Variants in NFATC3 observed in about 807,000 individuals in gnomAD.
The protein encoded by NFATC3 is nuclear factor of activated T cells 3.
In NFATC3, 46 loss-of-function variants were observed where a neutral mutation model predicts 98.6. The observed-to-expected ratio is 0.47, with a 90% confidence interval of 0.37 to 0.60. The LOEUF (loss-of-function observed/expected upper bound fraction) is 0.60. Ranked by LOEUF, NFATC3 falls within the 20% of genes least tolerant of loss-of-function variation. The pLI is 0.00. For missense variants in NFATC3, 1,256 were observed against 1,295.5 expected (o/e 0.97, Z 0.47); for synonymous variants, 512 against 472.2 (o/e 1.08, Z -1.09).
At chr16:68,093,193 C>T (rs1223343659) in intron 1 of NFATC3, among the ~76,000 whole-genome samples, 3 of 152,200 alleles carry the variant, frequency 2.0e-5, no homozygotes, top group South Asian at 2.1e-4. Flanking sequence ...CTGCTGTCAA[C>T]GTGTTCACCA....
intron 3 of NFATC3, among the ~76,000 whole-genome samples, chr16:68,143,231 G>GGAAA (rs1337320851): frequency 7.1e-6 from 1 of 140,512 alleles, no homozygotes; most frequent in Non-Finnish European, 1.5e-5. Context: ...AAAAAAAAAA[G>GGAAA]GAAAGAAAGA....
In NFATC3 at chr16:68,138,776, A is replaced by G. The variant is rs777496748; in HGVS notation, c.1401+12166A>G. ...ATTCTGTAGTATAATATAGAACTCT[A>G]TACTTAAATCTTTGGTGGTTAGTGT... On this transcript the variant is annotated intron_variant, in intron 3 of 9. Coordinates refer to ENST00000346183, the MANE Select transcript of NFATC3 (RefSeq NM_173165.3). 99 of 1,273,166 alleles carry G rather than the reference A, an allele frequency of 7.8e-5. No individual in the cohort carries two copies. In the Middle Eastern group the frequency reaches 1.7e-3, roughly 22 times the overall value. 78.9% of individuals were successfully genotyped at this position (1,273,166 alleles called of 1,614,324 possible). A position where few individuals can be genotyped will look rare whatever the true frequency, so the allele number is the denominator to read the frequency against.
chr16:68,126,512 A>G lies in NFATC3; in HGVS notation c.1303A>G (p.Ile435Val), dbSNP rs1384196277. Residue 435 changes from isoleucine (I) to valine (V), a missense_variant, in exon 3 of 10, where the codon ATA becomes GTA. Ile to Val is a conservative substitution (Grantham distance 29). Around this residue, in one of 3 missense-constraint regions of NFATC3, gnomAD observed 156 missense variants for 212.4 expected, o/e 0.73. Coordinates refer to ENST00000346183, the MANE Select transcript of NFATC3 (RefSeq NM_173165.3). ...TCATTTTGGACAATGTGAACTGAAA[A>G]TAGAAGTGCAACCTAAAACTCATCA... ...PAHFGQCELK[I>V]EVQPKTHHRA... The G allele has an allele frequency of 6.2e-7, 1 of 1,614,204 alleles. No homozygotes were observed. Among genetic ancestry groups the G allele is most frequent in the South Asian group, 1.1e-5 (1 of 91,086 alleles).
At chr16:68,207,896 A>C (rs949537718) in intron 9 of NFATC3, among the ~76,000 whole-genome samples, 1 of 151,590 alleles carries the variant, frequency 6.6e-6, no homozygotes, top group African/African-American at 2.4e-5. Context: ...TTTTTAAAAT[A>C]ATAGCCATCC....
intron 9 of NFATC3, among the ~76,000 whole-genome samples, chr16:68,210,605 T>G (rs1281691820): frequency 2.6e-5 from 4 of 152,200 alleles, no homozygotes; most frequent in Admixed American, 6.5e-5. Flanking sequence ...TTTTTTTCTT[T>G]TGTTCAACTA....
chr16:68,167,810 C>CCTTTTTTTTTT, intron 5 of NFATC3, among the ~76,000 whole-genome samples: 1 of 23,898 alleles, frequency 4.2e-5, no homozygotes, highest in East Asian at 1.9e-3. Context: ...CGTATGTGTT[C>CCTTTTTTTTTT]TTTTTTTTTT....
At chr16:68,097,147 A>G (rs1192713490) in intron 1 of NFATC3, among the ~76,000 whole-genome samples, 1 of 152,180 alleles carries the variant, frequency 6.6e-6, no homozygotes, top group African/African-American at 2.4e-5. Flanking sequence ...CTATTTTTCT[A>G]GTTTGGGTCA....
intron 9 of NFATC3, chr16:68,217,672 C>G (rs1598622917): frequency 8.1e-7 from 1 of 1,231,396 alleles, no homozygotes; most frequent in Non-Finnish European, 1.0e-6. Context: ...ATTCAGAGAT[C>G]AAGATTCCTT....
At chr16:68,143,622 G>T (rs560560512) in intron 3 of NFATC3, among the ~76,000 whole-genome samples, 1 of 152,304 alleles carries the variant, frequency 6.6e-6, no homozygotes, top group African/African-American at 2.4e-5. Flanking sequence ...ACTGAGGCGG[G>T]CAGATGACCT....
At chr16:68,188,054 G>T (rs369066836) in intron 8 of NFATC3, among the ~76,000 whole-genome samples, 2 of 152,330 alleles carry the variant, frequency 1.3e-5, no homozygotes, top group East Asian at 3.9e-4. Context: ...AAAGTCTGGA[G>T]GGGGCTGAGG....
chr16:68,223,990 TA>T (rs1008239372), intron 9 of NFATC3, among the ~76,000 whole-genome samples: 6 of 151,470 alleles, frequency 4.0e-5, no homozygotes, highest in African/African-American at 1.5e-4. Context: ...CTCATGCCTG[TA>T]ATCCCAGCAC....
At chr16:68,205,568 T>C (rs2041113677) in intron 9 of NFATC3, among the ~76,000 whole-genome samples, 1 of 152,214 alleles carries the variant, frequency 6.6e-6, no homozygotes, top group Non-Finnish European at 1.5e-5. Context: ...GTTCATGTGG[T>C]TTAAAATGCT....
chr16:68,173,692 A>G (rs2039567804), intron 5 of NFATC3, among the ~76,000 whole-genome samples: 1 of 152,222 alleles, frequency 6.6e-6, no homozygotes, highest in South Asian at 2.1e-4. Context: ...TTGGACTTAC[A>G]TGCTTTTTGT....
In NFATC3 at chr16:68,122,965, A is replaced by G; in HGVS notation, c.1082A>G (p.Asp361Gly). 1 of 1,614,188 alleles carries G rather than the reference A, an allele frequency of 6.2e-7. No homozygotes were observed. The highest frequency in any genetic ancestry group is 8.5e-7 in the Non-Finnish European group (1 of 1,180,042). ...GGAAAATTAGAGCTGTGTTCAGATG[A>G]CCAAGGGAGTTTATCACCAGCCCGG... Reference protein sequence around the residue: ...LPGKLELCSDDQGSLSPARET... With the variant: ...LPGKLELCSDGQGSLSPARET... The change falls in exon 2 of 10, where the codon GAC (aspartate) becomes GGC (glycine). Residue 361 changes from aspartate (D) to glycine (G), a missense_variant. Around this residue, in one of 3 missense-constraint regions of NFATC3, gnomAD observed 464 missense variants for 465.7 expected, o/e 1.00. Coordinates refer to ENST00000346183, the MANE Select transcript of NFATC3 (RefSeq NM_173165.3).
chr16:68,199,179 G>A (rs912068364), intron 9 of NFATC3, among the ~76,000 whole-genome samples: 2 of 151,950 alleles, frequency 1.3e-5, no homozygotes, highest in African/African-American at 4.8e-5. Flanking sequence ...TTGCGCCACT[G>A]CACTGCAGCG....
At chr16:68,218,586 T>A (rs184100624) in intron 9 of NFATC3, among the ~76,000 whole-genome samples, 3 of 148,234 alleles carry the variant, frequency 2.0e-5, no homozygotes, top group African/African-American at 5.1e-5. Flanking sequence ...TTTTTTTTTT[T>A]ATTTTGAGAC....
intron 3 of NFATC3, among the ~76,000 whole-genome samples, chr16:68,136,750 A>G (rs2037435132): frequency 6.6e-6 from 1 of 152,118 alleles, no homozygotes; most frequent in Admixed American, 6.5e-5. Context: ...ATGTGGTATA[A>G]CCAGTCACAG....
intron 1 of NFATC3, among the ~76,000 whole-genome samples, chr16:68,112,879 G>A (rs1217773765): frequency 6.6e-6 from 1 of 151,794 alleles, no homozygotes; most frequent in Non-Finnish European, 1.5e-5. Context: ...GGTCTGTTCA[G>A]CTGTTGATAC....
chr16:68,177,380 C>A (rs1409428061), intron 6 of NFATC3, among the ~76,000 whole-genome samples: 2 of 152,106 alleles, frequency 1.3e-5, no homozygotes, highest in African/African-American at 4.8e-5. Flanking sequence ...GGACTTTATT[C>A]CTTTCCCCTA....
Sources: gnomAD v4.1 joint callset for allele counts (sites outside exome capture counted in the v4.1 genomes callset) on GRCh38, gnomAD v4.1.1 for gene constraint, gnomAD v4.1.1 regional missense constraint, MANE v1.5 for transcripts, NCBI Gene and HGNC (gene_info 2026-07-23, HGNC 2026-07-21) for gene names.